Variants in PDZD2 observed in about 807,000 individuals in gnomAD.
The protein encoded by PDZD2 is PDZ domain-containing protein 2.
PDZD2 carries 90 observed loss-of-function variants against 220.7 expected under a neutral mutation model. The observed-to-expected ratio is 0.41, with a 90% CI of 0.34 to 0.49. The LOEUF (loss-of-function observed/expected upper bound fraction) is 0.49. Ranked by LOEUF, PDZD2 falls within the 20% of genes least tolerant of loss-of-function variation. The pLI, the probability that PDZD2 is intolerant of heterozygous loss-of-function variation, is 0.28. For missense variants in PDZD2, 3,174 were observed against 3,608.5 expected (o/e 0.88, Z 3.08); for synonymous variants, 1,375 against 1,450.5 (o/e 0.95, Z 1.18).
chr5:31,728,632 T>C (rs1319915494), intron 1 of PDZD2, among the ~76,000 whole-genome samples: 3 of 152,196 alleles, frequency 2.0e-5, no homozygotes, highest in Non-Finnish European at 4.4e-5. Context: ...ACATGCTTCT[T>C]GGTTGCACAG....
At chr5:31,664,502 A>G (rs1745905417) in intron 1 of PDZD2, among the ~76,000 whole-genome samples, 1 of 151,942 alleles carries the variant, frequency 6.6e-6, no homozygotes, top group South Asian at 2.1e-4. Flanking sequence ...GTACACACAC[A>G]TACACACACA....
At chr5:31,650,788 T>C (rs1024707760) in intron 1 of PDZD2, among the ~76,000 whole-genome samples, 1 of 152,228 alleles carries the variant, frequency 6.6e-6, no homozygotes, top group Non-Finnish European at 1.5e-5. Flanking sequence ...TTCCTCCTCC[T>C]GATGTTCCTT....
At chr5:32,070,963 A>G (rs1472287446) in intron 15 of PDZD2, among the ~76,000 whole-genome samples, 1 of 151,956 alleles carries the variant, frequency 6.6e-6, no homozygotes, top group Non-Finnish European at 1.5e-5. Context: ...CAAGAGTCCA[A>G]CTCCGTCTGA....
At chr5:31,754,898 G>A (rs766190337) in intron 1 of PDZD2, among the ~76,000 whole-genome samples, 7 of 152,182 alleles carry the variant, frequency 4.6e-5, no homozygotes, top group Non-Finnish European at 7.3e-5. Context: ...AACATTTGGT[G>A]TGTTTCAAAA....
intron 3 of PDZD2, among the ~76,000 whole-genome samples, chr5:31,989,416 C>CTTTTTTTTTTTT (rs1385913596): frequency 1.2e-4 from 14 of 120,626 alleles, no homozygotes; most frequent in African/African-American, 3.9e-4. Flanking sequence ...ACCACATTTT[C>CTTTTTTTTTTTT]TTTTCTTTTT....
At chr5:32,093,059 T>G (rs1743317634) in intron 21 of PDZD2, 35 bp downstream of exon 21, 1 of 1,111,366 alleles carries the variant, frequency 9.0e-7, no homozygotes. Flanking sequence ...GAACATGAAT[T>G]GCGGCCGCGT....
intron 1 of PDZD2, among the ~76,000 whole-genome samples, chr5:31,768,955 A>G (rs1484467916): frequency 6.6e-6 from 1 of 152,250 alleles, no homozygotes; most frequent in African/African-American, 2.4e-5. Context: ...GTCTGTTTCC[A>G]TCACCTGCAT....
intron 19 of PDZD2, among the ~76,000 whole-genome samples, chr5:32,079,272 A>C (rs1561527468): frequency 1.3e-5 from 2 of 149,740 alleles, no homozygotes; most frequent in African/African-American, 5.0e-5. Context: ...AAAAAAACAA[A>C]AAAAAAACAA....
rs113259283 is a variant in PDZD2, at chr5:31,860,104, G to A, written c.476+60380G>A. Among the ~76,000 whole-genome samples the A allele has an allele frequency of 3.9e-4, 59 of 151,770 alleles. 1 individual carries two copies. Among genetic ancestry groups the A allele is most frequent in the Middle Eastern group, 3.4e-3 (1 of 294 alleles). On this transcript the variant is annotated intron_variant, in intron 2 of 24. Coordinates refer to ENST00000438447, the MANE Select transcript of PDZD2 (RefSeq NM_178140.4). The stretch of plus-strand genomic sequence containing the variant: ...GAGTTGGTTGGCTGCAGTGTTCTGG[G>A]AACCAGATGAGAAGGAGACTTGAAG...
intron 2 of PDZD2, among the ~76,000 whole-genome samples, chr5:31,969,538 A>G (rs1581182357): frequency 6.8e-6 from 1 of 147,172 alleles, no homozygotes; most frequent in East Asian, 2.0e-4. Flanking sequence ...AAAAAAAACA[A>G]TGGATATGTT....
chr5:32,050,276 G>A (rs972554537), intron 8 of PDZD2, among the ~76,000 whole-genome samples: 1 of 152,150 alleles, frequency 6.6e-6, no homozygotes, highest in Non-Finnish European at 1.5e-5. Flanking sequence ...AGCCATCATG[G>A]CCACAGATCG....
intron 1 of PDZD2, among the ~76,000 whole-genome samples, chr5:31,770,271 G>C (rs1026449181): frequency 6.6e-6 from 1 of 152,102 alleles, no homozygotes; most frequent in Non-Finnish European, 1.5e-5. Context: ...TCACACACTC[G>C]GGTCTCCCAC....
At chr5:32,026,557 GCACA>G (rs139271161) in intron 6 of PDZD2, among the ~76,000 whole-genome samples, 2 of 150,932 alleles carry the variant, frequency 1.3e-5, no homozygotes, top group Non-Finnish European at 3.0e-5. Flanking sequence ...GTGCACGCAC[GCACA>G]CACACACACA....
At chr5:32,014,936 T>G (rs12658552) in intron 6 of PDZD2, among the ~76,000 whole-genome samples, 38,695 of 115,790 alleles carry the variant, frequency 0.33, 6,801 homozygotes, top group African/African-American at 0.47. Flanking sequence ...TCTCAATCTC[T>G]CTCTTTTTTT....
chr5:31,958,632 C>T (rs564111391), intron 2 of PDZD2, among the ~76,000 whole-genome samples: 7 of 151,764 alleles, frequency 4.6e-5, no homozygotes, highest in Admixed American at 2.6e-4. Context: ...TACTCCACCC[C>T]GCCCCCGTCA....
chr5:31,863,263 AG>A (rs1737894476), intron 2 of PDZD2, among the ~76,000 whole-genome samples: 1 of 152,128 alleles, frequency 6.6e-6, no homozygotes, highest in Non-Finnish European at 1.5e-5. Context: ...TAATCATCCC[AG>A]TTCCAGATTG....
chr5:31,981,090 G>T (rs918896474), intron 2 of PDZD2, among the ~76,000 whole-genome samples: 1 of 152,052 alleles, frequency 6.6e-6, no homozygotes, highest in Non-Finnish European at 1.5e-5. Context: ...CTGGCCTAGT[G>T]GATGGTCTTA....
intron 2 of PDZD2, among the ~76,000 whole-genome samples, chr5:31,904,506 T>C (rs10472796): frequency 0.8 from 122,154 of 152,184 alleles, 50,347 homozygotes; most frequent in Non-Finnish European, 0.91. Context: ...TCACTGGAAA[T>C]CAATACTTGT....
intron 1 of PDZD2, among the ~76,000 whole-genome samples, chr5:31,793,761 C>A (rs560821162): frequency 2.0e-5 from 3 of 152,160 alleles, no homozygotes; most frequent in Non-Finnish European, 4.4e-5. Context: ...GAGCCCAGAT[C>A]GCGCCATTGC....
Sources: allele counts gnomAD v4.1 joint callset (sites outside exome capture counted in the v4.1 genomes callset), GRCh38; gene constraint gnomAD v4.1.1; transcripts MANE v1.5; gene names NCBI Gene and HGNC (gene_info 2026-07-23, HGNC 2026-07-21).